Variants in WDR31 observed in about 807,000 individuals in gnomAD.
The protein encoded by WDR31 is WD repeat-containing protein 31.
In WDR31, 30 loss-of-function variants were observed where a neutral mutation model predicts 47.3. The ratio of observed to expected loss-of-function variants is 0.63; its 90% confidence interval spans 0.47 to 0.86. The LOEUF is 0.86. WDR31 is among the 40% of genes least tolerant of loss of function. WDR31 has a pLI of 0.00. For missense variants in WDR31, 406 were observed against 442.9 expected, an observed-to-expected ratio of 0.92 and a Z score of 0.75; for synonymous variants, 137 against 159.4, an observed-to-expected ratio of 0.86 and a Z score of 1.06.
At chr9:113,320,577 G>T in intron 8 of WDR31, 79 bp from the exon 9 acceptor site, 2 of 1,541,056 alleles carry the variant, frequency 1.3e-6, no homozygotes, top group South Asian at 1.3e-5. Context: ...TACCAAAAAA[G>T]TCTTGGCTCT....
At chr9:113,321,411 G>A in intron 8 of WDR31, 100 bp downstream of exon 8, 2 of 1,206,960 alleles carry the variant, frequency 1.7e-6, no homozygotes, top group Admixed American at 3.7e-5. Context: ...CTCTGGGAAG[G>A]GCAGAGCAAT....
At position 113,316,912 on chromosome 9, in the gene WDR31, G is replaced by T. The variant is rs770049110; in HGVS notation, c.944-3C>A. The T allele has an allele frequency of 5.6e-6, 9 of 1,610,166 alleles. No homozygotes were observed. Among genetic ancestry groups the T allele is most frequent in the Middle Eastern group, 1.7e-4 (1 of 6,044 alleles). On this transcript the variant is annotated splice_polypyrimidine_tract_variant and splice_region_variant and intron_variant, in intron 10 of 10. Transcript: ENST00000374193. Reference sequence around the variant, plus strand: ...CAGAGACAAGGTGAAAAGGCAGGCTGGGGGGGAAAGGGGGACCAGCAGATT... The same window carrying T: ...CAGAGACAAGGTGAAAAGGCAGGCTTGGGGGGAAAGGGGGACCAGCAGATT...
At position 113,320,346 on chromosome 9, in the gene WDR31, C is replaced by T. The variant is rs769243490; in HGVS notation, c.780+11G>A. The stretch of plus-strand genomic sequence containing the variant: ...AGCAACCAGATACCTGGACCTCACA[C>T]AGTCTCCTACCGTGGCTTCACAGCC... On this transcript the variant is annotated intron_variant, in intron 9 of 10. Coordinates refer to ENST00000374193, the MANE Select transcript of WDR31 (RefSeq NM_001012361.4). The T allele has an allele frequency of 1.2e-6, 2 of 1,613,432 alleles. No homozygotes were observed. Among genetic ancestry groups the T allele is most frequent in the Non-Finnish European group, 1.7e-6 (2 of 1,179,596 alleles).
chr9:113,332,711 C>G (rs919373275), intron 2 of WDR31, among the ~76,000 whole-genome samples: 1 of 152,082 alleles, frequency 6.6e-6, no homozygotes, highest in Non-Finnish European at 1.5e-5. Flanking sequence ...TCTTAATAGG[C>G]TAGATATAGT....
Position 113,319,156 on chromosome 9 carries a change from C to T in WDR31, c.781-519G>A, listed in dbSNP as rs111431206. 3.5e-3 allele frequency among the ~76,000 whole-genome samples: 539 copies of T among 152,322 alleles called. 4 individuals carry two copies. Among genetic ancestry groups the T allele is most frequent in the African/African-American group, 0.012 (495 of 41,562 alleles). ...CTGAACCTTGATGTGTGAAGACTAG[C>T]GTCTACAAGAGGGAAGTGCCAGTCA... On this transcript the variant is annotated intron_variant, in intron 9 of 10. Coordinates refer to ENST00000374193, the MANE Select transcript of WDR31 (RefSeq NM_001012361.4).
In WDR31 at chr9:113,326,569, C is replaced by T. The variant is rs74890665; in HGVS notation, c.324+2312G>A. 6.0e-3 allele frequency among the ~76,000 whole-genome samples: 920 copies of T among 152,122 alleles called. 10 individuals are homozygous for T. The highest frequency in any genetic ancestry group is 0.021 in the African/African-American group (861 of 41,478). ...GCAGCCTCCATCTCCCTGGCTTAAA[C>T]GATCCTCTTGCCTTAGCCTCCCAAG... is the stretch of plus-strand genomic sequence containing the variant. On this transcript the variant is annotated intron_variant, in intron 5 of 10. Transcript: ENST00000374193.
intron 1 of WDR31, among the ~76,000 whole-genome samples, chr9:113,336,810 T>C (rs925450885): frequency 1.3e-5 from 2 of 152,196 alleles, no homozygotes; most frequent in Non-Finnish European, 2.9e-5. Context: ...ATATAAACCA[T>C]TTATTTATTT....
In WDR31 at chr9:113,320,489, G is replaced by C; in HGVS notation, c.648C>G (p.Asp216Glu). The C allele has an allele frequency of 1.2e-6, 2 of 1,613,746 alleles. No homozygotes were observed. Among genetic ancestry groups the C allele is most frequent in the Non-Finnish European group, 1.7e-6 (2 of 1,179,812 alleles). Residue 216 changes from aspartate to glutamate, a missense_variant, in exon 9 of 11, where the codon GAC becomes GAG. Transcript: ENST00000374193. Reference sequence around the variant, plus strand: ...TATGAGCTACCTGCAGCCCCCGACTGTCCCATAATCTGAAAGAGATTAGGG... The same window carrying C: ...TATGAGCTACCTGCAGCCCCCGACTCTCCCATAATCTGAAAGAGATTAGGG... ...TSEDKTLRLW[D>E]SRGLQVAHMF...
rs1319979519 is a variant in WDR31, at chr9:113,318,548, T to C, written c.870A>G (p.Ala290=). The C allele has an allele frequency of 1.2e-6, 2 of 1,614,130 alleles. No homozygotes were observed. The highest frequency in any genetic ancestry group is 1.7e-5 in the Admixed American group (1 of 60,004). ...TAGCAATTAAAGGCATCAAGGCCAA[T>C]GCTCTTGGTAGAAAGACGCAGGATG... ...TVASCVFLPR[A]LALMPLIATS... The change falls in exon 10 of 11, where the codon GCA becomes GCG. Residue 290 remains alanine (A), a synonymous_variant. Coordinates refer to ENST00000374193, the MANE Select transcript of WDR31 (RefSeq NM_001012361.4).
chr9:113,320,290 G>T, intron 9 of WDR31, 67 bp downstream of exon 9: 3 of 1,580,820 alleles, frequency 1.9e-6, no homozygotes, highest in Non-Finnish European at 2.6e-6. Context: ...ACAGCTACAG[G>T]CATGAGGCCA....
At chr9:113,318,787 AACCCATCCATCCACAGACCCAATG>A in intron 9 of WDR31, 150 bp from the exon 10 acceptor site, 5 of 763,632 alleles carry the variant, frequency 6.5e-6, no homozygotes, top group Middle Eastern at 2.5e-4. Context: ...CAGACCCAAC[AACCCATCCATCCACAGACCCAATG>A]ACCCATCCAT....
intron 1 of WDR31, among the ~76,000 whole-genome samples, chr9:113,339,435 C>T (rs1833782829): frequency 6.6e-6 from 1 of 152,200 alleles, no homozygotes; most frequent in Non-Finnish European, 1.5e-5. Context: ...CTGTCTTACA[C>T]TCTGGGAGAC....
chr9:113,321,406 G>A, intron 8 of WDR31, 105 bp downstream of exon 8: 1 of 1,154,288 alleles, frequency 8.7e-7, no homozygotes, highest in Non-Finnish European at 1.3e-6. Context: ...GAAGGCTCTG[G>A]GAAGGGCAGA....
At chr9:113,320,021 G>A (rs1833290301) in intron 9 of WDR31, among the ~76,000 whole-genome samples, 1 of 152,150 alleles carries the variant, frequency 6.6e-6, no homozygotes, top group Admixed American at 6.6e-5. Context: ...CCTAGGCTCA[G>A]TTGATCCTCC....
At chr9:113,328,785 T>C in intron 5 of WDR31, 96 bp downstream of exon 5, 1 of 1,110,840 alleles carries the variant, frequency 9.0e-7, no homozygotes, top group African/African-American at 1.6e-5. Flanking sequence ...GCATTTTTCC[T>C]TAAGACCAAA....
intron 7 of WDR31, among the ~76,000 whole-genome samples, chr9:113,321,960 C>A (rs187152027): frequency 3.5e-4 from 53 of 152,254 alleles, no homozygotes; most frequent in Non-Finnish European, 5.1e-4. Context: ...CAGGTCCCTG[C>A]TGGATAGGCA....
In WDR31 at chr9:113,332,011, G is replaced by C. The variant is rs761410292; in HGVS notation, c.12C>G (p.Leu4=). MLL[L]RCQLKQAPPQ... is the part of the protein sequence containing the mutation. ...GAGGAGCTTGTTTCAGTTGGCACCT[G>C]AGTAGCAGCATCCCTTGTGGCTGCT... is the stretch of plus-strand genomic sequence containing the variant. Residue 4 remains leucine (L), a synonymous_variant, in exon 3 of 11, where the codon CTC becomes CTG. Coordinates refer to ENST00000374193, the MANE Select transcript of WDR31 (RefSeq NM_001012361.4). 6.8e-6 allele frequency: 11 copies of C among 1,613,814 alleles called. No homozygotes were observed. In the Admixed American group the frequency reaches 1.8e-4, roughly 27 times the overall value.
intron 5 of WDR31, among the ~76,000 whole-genome samples, chr9:113,324,687 G>C (rs1262232566): frequency 6.6e-6 from 1 of 151,942 alleles, no homozygotes; most frequent in Non-Finnish European, 1.5e-5. Context: ...ACTGTGCTTG[G>C]CCTATTTCAT....
In WDR31 at chr9:113,320,484, C is replaced by T. The variant is rs141627600; in HGVS notation, c.653G>A (p.Arg218Gln). 4.9e-4 allele frequency: 785 copies of T among 1,613,938 alleles called. No homozygotes were observed. The highest frequency in any genetic ancestry group is 5.8e-4 in the Admixed American group (35 of 59,980). ...AAACATATGAGCTACCTGCAGCCCC[C>T]GACTGTCCCATAATCTGAAAGAGAT... ...EDKTLRLWDS[R>Q]GLQVAHMFPA... Residue 218 changes from arginine to glutamine, a missense_variant, in exon 9 of 11, where the codon CGG becomes CAG. Transcript: ENST00000374193.
Sources: gnomAD v4.1 joint callset for allele counts (sites outside exome capture counted in the v4.1 genomes callset) on GRCh38, gnomAD v4.1.1 for gene constraint, MANE v1.5 for transcripts, NCBI Gene and HGNC (gene_info 2026-07-23, HGNC 2026-07-21) for gene names.